SLC24A2: variants seen among roughly 807,000 people sequenced by gnomAD.
SLC24A2 encodes the protein sodium/potassium/calcium exchanger 2.
Under a neutral mutation model 62.0 loss-of-function variants are expected in SLC24A2, and 36 were observed. The ratio of observed to expected loss-of-function variants is 0.58; its 90% CI spans 0.44 to 0.77. SLC24A2 has a LOEUF of 0.77. Ranked by LOEUF, SLC24A2 falls within the 30% of genes least tolerant of loss-of-function variation. The pLI is 0.00. For missense variants in SLC24A2, 846 were observed against 817.9 expected, an observed-to-expected ratio of 1.03 and a Z score of -0.42; for synonymous variants, 358 against 294.0, an observed-to-expected ratio of 1.22 and a Z score of -2.23.
At chr9:20,128,299 T>C in the SLC24A2 span, among the ~76,000 whole-genome samples, 1 of 152,156 alleles carries the variant, frequency 6.6e-6, no homozygotes, top group Non-Finnish European at 1.5e-5. Context: ...CATCTTCAAA[T>C]GTTGCCAGAT....
intron 2 of SLC24A2, among the ~76,000 whole-genome samples, chr9:19,781,283 C>T (rs545770614): frequency 1.3e-5 from 2 of 151,814 alleles, no homozygotes; most frequent in Admixed American, 6.6e-5. Flanking sequence ...AGTTAAGATA[C>T]AAATTATCTA....
the SLC24A2 span, among the ~76,000 whole-genome samples, chr9:19,977,113 T>TTGTGTGTGTGTGTGTG: frequency 7.2e-4 from 104 of 145,328 alleles, 2 homozygotes; most frequent in African/African-American, 2.4e-3. Flanking sequence ...ATTTCTATAT[T>TTGTGTGTGTGTGTGTG]TGTGTGTGTG....
intron 7 of SLC24A2, among the ~76,000 whole-genome samples, chr9:19,560,993 T>A (rs938195316): frequency 2.5e-4 from 38 of 151,916 alleles, no homozygotes; most frequent in Admixed American, 1.4e-3. Context: ...TGGCATGATC[T>A]TGGCTCACTG....
the SLC24A2 span, among the ~76,000 whole-genome samples, chr9:20,116,947 A>G: frequency 6.6e-6 from 1 of 152,160 alleles, no homozygotes; most frequent in South Asian, 2.1e-4. Context: ...CAGTCTTGCA[A>G]GCATACTAGC....
At chr9:19,984,844 A>C in the SLC24A2 span, among the ~76,000 whole-genome samples, 1 of 152,320 alleles carries the variant, frequency 6.6e-6, no homozygotes, top group African/African-American at 2.4e-5. Context: ...AAAATAGTAA[A>C]GTTGGACCCC....
At chr9:20,141,137 A>T in the SLC24A2 span, among the ~76,000 whole-genome samples, 1 of 152,238 alleles carries the variant, frequency 6.6e-6, no homozygotes, top group East Asian at 1.9e-4. Flanking sequence ...GCAAGTTTCC[A>T]TGTCTACAAA....
chr9:19,979,435 C>T, the SLC24A2 span, among the ~76,000 whole-genome samples: 3 of 152,110 alleles, frequency 2.0e-5, no homozygotes, highest in Non-Finnish European at 4.4e-5. Flanking sequence ...GATTTGGATA[C>T]GCTTATGGGT....
At chr9:20,277,423 A>G in the SLC24A2 span, among the ~76,000 whole-genome samples, 1 of 151,660 alleles carries the variant, frequency 6.6e-6, no homozygotes, top group Admixed American at 6.5e-5. Flanking sequence ...AAAAGTGGGC[A>G]AAGGATATGA....
At chr9:20,174,375 G>C in the SLC24A2 span, among the ~76,000 whole-genome samples, 6 of 151,978 alleles carry the variant, frequency 3.9e-5, no homozygotes, top group African/African-American at 1.4e-4. Context: ...AAACTAAAGA[G>C]CTTTTGCACT....
chr9:19,654,441 T>C (rs895494683), intron 2 of SLC24A2, among the ~76,000 whole-genome samples: 2 of 152,244 alleles, frequency 1.3e-5, no homozygotes. Context: ...AACATGGTTT[T>C]CTCCTCAACT....
intron 2 of SLC24A2, among the ~76,000 whole-genome samples, chr9:19,728,935 C>T (rs1821253862): frequency 1.3e-5 from 2 of 152,104 alleles, no homozygotes; most frequent in South Asian, 2.1e-4. Flanking sequence ...AAATAATTGC[C>T]TGCCATGAAA....
chr9:19,930,455 C>T, the SLC24A2 span, among the ~76,000 whole-genome samples: 7 of 152,262 alleles, frequency 4.6e-5, no homozygotes, highest in East Asian at 7.7e-4. Context: ...CATCTAAGTT[C>T]GTGTAACACA....
rs532741736 is a variant in SLC24A2, at chr9:19,763,382, G to A, written c.930+22555C>T. Among the ~76,000 whole-genome samples, 17 of 152,216 alleles carry A rather than the reference G, an allele frequency of 1.1e-4. No homozygotes were observed. In the South Asian group the frequency reaches 1.7e-3, roughly 15 times the overall value. ...AATAGCAGTGGTGAGAGAGGGCATC[G>A]TTGTCTTGTGCCAGTTTTCAAAGGG... On this transcript the variant is annotated intron_variant, in intron 2 of 10. Coordinates refer to ENST00000341998, the MANE Select transcript of SLC24A2 (RefSeq NM_020344.4).
chr9:20,223,371 T>A, the SLC24A2 span, among the ~76,000 whole-genome samples: 2 of 152,122 alleles, frequency 1.3e-5, no homozygotes, highest in Non-Finnish European at 2.9e-5. Context: ...ACACCTCTAA[T>A]CTCAACACTT....
the SLC24A2 span, among the ~76,000 whole-genome samples, chr9:20,110,572 A>G: frequency 1.8e-3 from 278 of 152,238 alleles, 2 homozygotes; most frequent in African/African-American, 6.4e-3. Flanking sequence ...CTTGGTCTCC[A>G]AACTACAGGA....
At chr9:19,824,565 G>A in the SLC24A2 span, among the ~76,000 whole-genome samples, 1 of 152,184 alleles carries the variant, frequency 6.6e-6, no homozygotes, top group African/African-American at 2.4e-5. Context: ...CTTTTACGCT[G>A]TTAGTGGGAG....
the SLC24A2 span, among the ~76,000 whole-genome samples, chr9:19,915,624 T>C: frequency 6.6e-6 from 1 of 152,126 alleles, no homozygotes; most frequent in Non-Finnish European, 1.5e-5. Context: ...ATGATGATGA[T>C]AGTAGTTCTA....
the SLC24A2 span, among the ~76,000 whole-genome samples, chr9:20,297,928 T>A: frequency 8.5e-5 from 13 of 152,326 alleles, no homozygotes; most frequent in Non-Finnish European, 1.3e-4. Flanking sequence ...TGAATCACTG[T>A]CAGTTCAAGT....
the SLC24A2 span, among the ~76,000 whole-genome samples, chr9:19,919,567 C>A: frequency 4.6e-5 from 7 of 151,852 alleles, no homozygotes; most frequent in African/African-American, 1.2e-4. Flanking sequence ...GTGGAAAAAA[C>A]CTCTTTTTTT....
Sources: allele counts gnomAD v4.1 joint callset (sites outside exome capture counted in the v4.1 genomes callset), GRCh38; gene constraint gnomAD v4.1.1; transcripts MANE v1.5; gene names NCBI Gene and HGNC (gene_info 2026-07-23, HGNC 2026-07-21).